Variants in CASK observed in about 807,000 individuals in gnomAD.
CASK encodes the protein calcium/calmodulin dependent serine protein kinase.
In CASK, 4 loss-of-function variants were observed where a neutral mutation model predicts 82.9. The observed-to-expected ratio is 0.05, with a 90% CI of 0.02 to 0.11. CASK has a LOEUF of 0.11. Ranked by LOEUF, CASK falls within the 10% of genes least tolerant of loss-of-function variation. The pLI, the probability that CASK is intolerant of heterozygous loss-of-function variation, is 1.00. For synonymous variants in CASK, 259 were observed against 253.5 expected, an observed-to-expected ratio of 1.02 and a Z score of -0.20; for missense variants, 358 against 720.9, an observed-to-expected ratio of 0.50 and a Z score of 5.76.
At chrX:41,604,949 C>G (rs1036525439) in intron 12 of CASK, among the ~76,000 whole-genome samples, 2 of 112,341 alleles carry the variant, frequency 1.8e-5, no homozygotes, top group Non-Finnish European at 3.8e-5. Context: ...AGTAGAATCA[C>G]AGTACTTCTC....
chrX:41,626,094 AT>A (rs1431812845), intron 10 of CASK, among the ~76,000 whole-genome samples: 1 of 109,103 alleles, frequency 9.2e-6, no homozygotes, highest in Non-Finnish European at 1.9e-5. Flanking sequence ...ATGAGCCACC[AT>A]GCCTGGCCGT....
intron 5 of CASK, among the ~76,000 whole-genome samples, chrX:41,713,899 C>T (rs891336290): frequency 1.3e-4 from 15 of 111,388 alleles, no homozygotes; most frequent in African/African-American, 3.6e-4. Context: ...GTTCTCCTAA[C>T]GGTAAGAGGA....
At chrX:41,579,311 T>C (rs1023179183) in intron 14 of CASK, among the ~76,000 whole-genome samples, 6 of 112,273 alleles carry the variant, frequency 5.3e-5, no homozygotes, top group African/African-American at 1.6e-4. Context: ...ACTCTAAATA[T>C]GTTAAATTTT....
chrX:41,805,478 A>C (rs2070100401), intron 2 of CASK, among the ~76,000 whole-genome samples: 1 of 111,964 alleles, frequency 8.9e-6, no homozygotes, highest in African/African-American at 3.2e-5. Context: ...TTGTATGAGG[A>C]AGCATACAAA....
chrX:41,625,173 T>C (rs999020737), intron 10 of CASK, among the ~76,000 whole-genome samples: 8 of 109,991 alleles, frequency 7.3e-5, no homozygotes, highest in Non-Finnish European at 1.5e-4. Context: ...TTTATTTTTT[T>C]ATCTCTTAAT....
At chrX:41,570,158 A>G (rs1372258528) in intron 15 of CASK, among the ~76,000 whole-genome samples, 2 of 108,459 alleles carry the variant, frequency 1.8e-5, no homozygotes, top group East Asian at 5.8e-4. Context: ...GCCTGCCACC[A>G]TGCCAAGCTA....
At chrX:41,614,926 C>T (rs1193430158) in intron 11 of CASK, among the ~76,000 whole-genome samples, 2 of 110,922 alleles carry the variant, frequency 1.8e-5, no homozygotes, top group African/African-American at 6.6e-5. Flanking sequence ...TCAAGTGATC[C>T]TCCCACCTCA....
chrX:41,721,847 G>A (rs1446339209), intron 5 of CASK, among the ~76,000 whole-genome samples: 1 of 111,704 alleles, frequency 9.0e-6, no homozygotes, highest in East Asian at 2.8e-4. Flanking sequence ...CCTTCCATTT[G>A]CTTTCACAAA....
At chrX:41,770,361 C>T (rs940305018) in intron 3 of CASK, among the ~76,000 whole-genome samples, 9 of 108,361 alleles carry the variant, frequency 8.3e-5, no homozygotes, top group Non-Finnish European at 1.3e-4. Flanking sequence ...TCCATCCATC[C>T]GTTTTTTGAG....
chrX:41,671,549 G>C lies in CASK; in HGVS notation c.430-19C>G. On this transcript the variant is annotated intron_variant, in intron 5 of 26. Transcript: ENST00000378163. The stretch of plus-strand genomic sequence containing the variant: ...AGTGGGGCTGAAAAGAAAAACAGAC[G>C]AACAAACAAACAAAAAACAAACCCG... The C allele has an allele frequency of 9.4e-7, 1 of 1,062,999 alleles. No homozygotes were observed. Among genetic ancestry groups the C allele is most frequent in the East Asian group, 3.0e-5 (1 of 33,282 alleles). 87.6% of individuals were successfully genotyped at this position (1,062,999 alleles called of 1,213,427 possible).
chrX:41,576,583 T>G (rs1292041333), intron 15 of CASK, among the ~76,000 whole-genome samples: 1 of 112,138 alleles, frequency 8.9e-6, no homozygotes, highest in Admixed American at 9.5e-5. Context: ...TATCTGACAA[T>G]AGATCACTGG....
intron 1 of CASK, among the ~76,000 whole-genome samples, chrX:41,879,122 T>G (rs1054409690): frequency 4.5e-5 from 5 of 111,588 alleles, no homozygotes; most frequent in Non-Finnish European, 9.4e-5. Flanking sequence ...CAAATAGGCC[T>G]GATAGAAAAA....
At chrX:41,643,447 A>G (rs1026834942) in intron 8 of CASK, among the ~76,000 whole-genome samples, 4 of 111,418 alleles carry the variant, frequency 3.6e-5, no homozygotes, top group South Asian at 7.5e-4. Context: ...CATTTATTTC[A>G]TTGAGCAGTG....
In CASK at chrX:41,519,437, G is replaced by A. The variant is rs920546213; in HGVS notation, c.*983C>T. ...AATCATTTCTTTGCTTAATTAAAAC[G>A]TTAATACTCTTAGACAACACAGATC... On this transcript the variant is annotated 3_prime_UTR_variant, in exon 27 of 27. Coordinates refer to ENST00000378163, the MANE Select transcript of CASK (RefSeq NM_001367721.1). 6 of 111,312 alleles carry A rather than the reference G, an allele frequency of 5.4e-5. No homozygotes were observed. Among genetic ancestry groups the A allele is most frequent in the African/African-American group, 1.6e-4 (5 of 30,602 alleles). 9.2% of individuals were successfully genotyped at this position (111,312 alleles called of 1,213,427 possible).
intron 21 of CASK, among the ~76,000 whole-genome samples, chrX:41,549,434 G>A (rs758720231): frequency 8.9e-6 from 1 of 111,866 alleles, no homozygotes; most frequent in East Asian, 2.8e-4. Flanking sequence ...TATATATTTT[G>A]CAACTTTAAC....
intron 2 of CASK, among the ~76,000 whole-genome samples, chrX:41,807,597 GA>G: frequency 9.0e-6 from 1 of 111,341 alleles, no homozygotes; most frequent in Non-Finnish European, 1.9e-5. Flanking sequence ...CACAGACTGG[GA>G]AATTTATAAA....
chrX:41,923,123 A>C lies in CASK; in HGVS notation c.-135T>G. The C allele has an allele frequency of 2.1e-6, 1 of 475,708 alleles. No homozygotes were observed. The highest frequency in any genetic ancestry group is 3.5e-6 in the Non-Finnish European group (1 of 287,048). The allele number at this position is 475,708 out of a possible 1,213,427, so 39.2% of individuals were successfully genotyped here. On this transcript the variant is annotated 5_prime_UTR_variant, in exon 1 of 27. Transcript: ENST00000378163. Reference sequence around the variant, plus strand: ...GAGCCCTCGGTGCCGAGGACGCTCGAGTGGGGCCGCGAGGCCCAGAGACTG... The same window carrying C: ...GAGCCCTCGGTGCCGAGGACGCTCGCGTGGGGCCGCGAGGCCCAGAGACTG...
chrX:41,779,229 G>A (rs1418441137), intron 3 of CASK, among the ~76,000 whole-genome samples: 1 of 111,855 alleles, frequency 8.9e-6, no homozygotes, highest in Non-Finnish European at 1.9e-5. Context: ...AGTGCCAAGT[G>A]GAAGATGCCT....
chrX:41,532,012 G>A (rs1402362768), intron 24 of CASK, among the ~76,000 whole-genome samples: 1 of 111,884 alleles, frequency 8.9e-6, no homozygotes, highest in Non-Finnish European at 1.9e-5. Context: ...TCAGCTCACT[G>A]CAACTTCCAC....
Sources: allele counts gnomAD v4.1 joint callset (sites outside exome capture counted in the v4.1 genomes callset), GRCh38; gene constraint gnomAD v4.1.1; transcripts MANE v1.5; gene names NCBI Gene and HGNC (gene_info 2026-07-23, HGNC 2026-07-21).